The following MME variants were observed in gnomAD, a reference collection of about 807,000 sequenced individuals.
MME encodes membrane metalloendopeptidase.
A neutral mutation model predicts 113.2 loss-of-function variants in MME; 98 were observed. The observed-to-expected ratio is 0.87, with a 90% CI of 0.74 to 1.02. MME has a LOEUF of 1.02. Ranked by LOEUF, MME falls within the 50% of genes least tolerant of loss-of-function variation. MME has a pLI of 0.00. For missense variants in MME, 836 were observed against 896.0 expected (o/e 0.93, Z 0.86); for synonymous variants, 292 against 300.6 (o/e 0.97, Z 0.30).
chr3:155,115,568 G>A (rs1281032766), intron 4 of MME, among the ~76,000 whole-genome samples: 4 of 151,972 alleles, frequency 2.6e-5, no homozygotes, highest in Non-Finnish European at 5.9e-5. Flanking sequence ...AGCTGGGATT[G>A]TAGGCACCTG....
At chr3:155,075,439 G>C (rs1176989284), upstream of MME, among the ~76,000 whole-genome samples, 2 of 151,946 alleles carry the variant, frequency 1.3e-5, no homozygotes, top group African/African-American at 2.4e-5. Context: ...AATATATTTT[G>C]ATTTATTTCT....
upstream of MME, among the ~76,000 whole-genome samples, chr3:155,075,586 T>C (rs531465461): frequency 1.1e-4 from 16 of 152,310 alleles, no homozygotes; most frequent in South Asian, 3.1e-3. Flanking sequence ...TTTATCTTTT[T>C]TGTGGTTGTA....
At chr3:155,060,516 G>A (rs1218089701) in intron 1 of MME, among the ~76,000 whole-genome samples, 1 of 152,102 alleles carries the variant, frequency 6.6e-6, no homozygotes, top group East Asian at 1.9e-4. Flanking sequence ...GTAAGTAGGT[G>A]CTTACTGTTG....
At chr3:155,131,587 C>A (rs1720149268) in intron 8 of MME, among the ~76,000 whole-genome samples, 1 of 152,126 alleles carries the variant, frequency 6.6e-6, no homozygotes, top group Non-Finnish European at 1.5e-5. Context: ...TTCAGCCCCC[C>A]AAGCATGGAA....
chr3:155,165,294 A>C (rs1723013924), intron 17 of MME, among the ~76,000 whole-genome samples: 2 of 152,194 alleles, frequency 1.3e-5, no homozygotes, highest in South Asian at 4.1e-4. Context: ...AACATGACCC[A>C]AAATTTGATT....
chr3:155,060,588 G>A lies in MME; in HGVS notation c.-10-23570G>A, dbSNP rs73010276. On this transcript the variant is annotated intron_variant, in intron 1 of 22. Coordinates refer to the MME transcript ENST00000492661. ...AGAAGGAGCAAAATGGTGAGAGTGGGGAGATGTAAGGACAAGATTCAGGGA... is the reference window on the plus strand; with the variant it reads ...AGAAGGAGCAAAATGGTGAGAGTGGAGAGATGTAAGGACAAGATTCAGGGA... Among the ~76,000 whole-genome samples, 1,288 of 149,446 alleles carry A rather than the reference G, an allele frequency of 8.6e-3. 22 individuals are homozygous for A. Among genetic ancestry groups the A allele is most frequent in the African/African-American group, 0.029 (1,193 of 41,402 alleles).
intron 1 of MME, among the ~76,000 whole-genome samples, chr3:155,055,596 C>CA (rs879490023): frequency 4.8e-3 from 566 of 116,726 alleles, no homozygotes; most frequent in African/African-American, 5.6e-3. Context: ...GACACCGTCT[C>CA]AAAAAAAAAA....
chr3:155,158,088 C>A (rs1350813829), intron 16 of MME, among the ~76,000 whole-genome samples: 1 of 152,056 alleles, frequency 6.6e-6, no homozygotes, highest in Non-Finnish European at 1.5e-5. Flanking sequence ...CTTTTGTGAT[C>A]TATTGTTATC....
At chr3:155,150,902 A>T (rs911604234) in intron 16 of MME, among the ~76,000 whole-genome samples, 8 of 152,164 alleles carry the variant, frequency 5.3e-5, no homozygotes, top group African/African-American at 1.9e-4. Flanking sequence ...ACTGAGCCCT[A>T]TAGGATACAA....
chr3:155,134,770 C>G (rs922083768), intron 8 of MME, among the ~76,000 whole-genome samples: 30 of 152,144 alleles, frequency 2.0e-4, no homozygotes, highest in African/African-American at 6.5e-4. Context: ...TATAAGTGTT[C>G]CCTTTTCTCT....
intron 1 of MME, chr3:155,081,961 T>C (rs1328326148): frequency 6.6e-6 from 1 of 152,228 alleles, no homozygotes; most frequent in Non-Finnish European, 1.5e-5. Context: ...TCAAAGATTA[T>C]ATTGTTTTGA....
chr3:155,066,465 T>A (rs1319270497), intron 1 of MME, among the ~76,000 whole-genome samples: 2 of 152,200 alleles, frequency 1.3e-5, no homozygotes. Flanking sequence ...TGGAGGCACC[T>A]CCTTGTAAAC....
At chr3:155,156,955 T>A (rs982681597) in intron 16 of MME, among the ~76,000 whole-genome samples, 2 of 152,118 alleles carry the variant, frequency 1.3e-5, no homozygotes, top group Non-Finnish European at 2.9e-5. Context: ...AGGATCAGTC[T>A]GTTGTCTTCT....
At chr3:155,150,593 A>G (rs1721853992) in intron 16 of MME, among the ~76,000 whole-genome samples, 1 of 152,150 alleles carries the variant, frequency 6.6e-6, no homozygotes, top group African/African-American at 2.4e-5. Flanking sequence ...GCACATGATA[A>G]TCACCTGGGG....
chr3:155,048,198 C>G (rs1713630013), intron 1 of MME, among the ~76,000 whole-genome samples: 1 of 152,132 alleles, frequency 6.6e-6, no homozygotes, highest in Admixed American at 6.5e-5. Context: ...GAAAACTTCT[C>G]TAATTTTCTC....
In MME at chr3:155,114,919, T is replaced by C. The variant is rs565630511; in HGVS notation, c.197-75T>C. The C allele has an allele frequency of 6.2e-6, 9 of 1,459,744 alleles. No individual in the cohort carries two copies. In the East Asian group the frequency reaches 2.0e-4, roughly 33 times the overall value. 90.4% of individuals were successfully genotyped at this position (1,459,744 alleles called of 1,614,324 possible). A position where few individuals can be genotyped will look rare whatever the true frequency, so the allele number is the denominator to read the frequency against. On this transcript the variant is annotated intron_variant, in intron 3 of 22. Coordinates refer to ENST00000360490, the MANE Select transcript of MME (RefSeq NM_007289.4). Reference sequence around the variant, plus strand: ...AATTGATGCAATCAAAAGGGAGCAATAAGCCTTTTTCTCCTTTTAAGCCTC... The same window carrying C: ...AATTGATGCAATCAAAAGGGAGCAACAAGCCTTTTTCTCCTTTTAAGCCTC...
chr3:155,044,681 C>T (rs1429241504), intron 1 of MME, among the ~76,000 whole-genome samples: 2 of 152,006 alleles, frequency 1.3e-5, no homozygotes, highest in South Asian at 2.1e-4. Context: ...TAGTGTTTCT[C>T]CATTAAGCAG....
chr3:155,073,712 T>A (rs1357864562), intron 1 of MME, among the ~76,000 whole-genome samples: 3 of 152,176 alleles, frequency 2.0e-5, no homozygotes, highest in Non-Finnish European at 2.9e-5. Context: ...TTTAAGTCTC[T>A]GTTGCATATT....
chr3:155,057,779 G>GA (rs1713987252), intron 1 of MME, among the ~76,000 whole-genome samples: 1 of 151,354 alleles, frequency 6.6e-6, no homozygotes, highest in Non-Finnish European at 1.5e-5. Context: ...CATTTTTTAG[G>GA]ATCTAATTCA....
Sources: allele counts gnomAD v4.1 joint callset (sites outside exome capture counted in the v4.1 genomes callset), GRCh38; gene constraint gnomAD v4.1.1; transcripts MANE v1.5; gene names NCBI Gene and HGNC (gene_info 2026-07-23, HGNC 2026-07-21).